CLN5: variants seen among roughly 807,000 people sequenced by gnomAD.
CLN5 encodes the protein bis(monoacylglycero)phosphate synthase CLN5.
CLN5 carries 34 observed loss-of-function variants against 36.7 expected under a neutral mutation model. The observed-to-expected ratio is 0.93, with a 90% CI of 0.71 to 1.23. CLN5 has a LOEUF of 1.23. CLN5 is among the 50% of genes most tolerant of loss of function. The probability of loss-of-function intolerance (pLI) is 0.00; values close to 1 mark genes in which losing one functional copy is unlikely to be tolerated. For synonymous variants in CLN5, 151 were observed against 155.1 expected, an observed-to-expected ratio of 0.97 and a Z score of 0.20; for missense variants, 427 against 439.4, an observed-to-expected ratio of 0.97 and a Z score of 0.25.
intron 1 of CLN5, 21 bp from the exon 2 acceptor site, chr13:76,995,042 T>A: frequency 6.2e-7 from 1 of 1,610,262 alleles, no homozygotes; most frequent in Non-Finnish European, 8.5e-7. Flanking sequence ...TCTAAGTAGA[T>A]GGTTTCTTTT....
At chr13:76,998,993 A>C (rs2073425635) in intron 3 of CLN5, 1 of 152,142 alleles carries the variant, frequency 6.6e-6, no homozygotes. Flanking sequence ...AAAATAGTTC[A>C]AAATATGCCA....
chr13:76,997,722 G>C (rs1384236963), intron 3 of CLN5: 2 of 152,210 alleles, frequency 1.3e-5, no homozygotes, highest in Non-Finnish European at 2.9e-5. Context: ...ACCTGTTGGT[G>C]ATGAGTAGCT....
At chr13:76,997,134 C>T (rs1330402197) in intron 3 of CLN5, 1 of 149,822 alleles carries the variant, frequency 6.7e-6, no homozygotes, top group African/African-American at 2.5e-5. Context: ...ACCCCCACCC[C>T]GCCTTTTTGT....
At chr13:76,994,940 A>G in intron 1 of CLN5, 123 bp from the exon 2 acceptor site, 1 of 790,736 alleles carries the variant, frequency 1.3e-6, no homozygotes, top group South Asian at 1.7e-5. Context: ...ATGTGTGTTT[A>G]TATTTATTAA....
intron 1 of CLN5, chr13:76,992,818 A>G (rs994625378): frequency 1.3e-5 from 2 of 153,520 alleles, no homozygotes; most frequent in Admixed American, 6.5e-5. Flanking sequence ...GACCGGGAAG[A>G]TTGTCACCGC....
chr13:76,995,756 G>A lies in CLN5; in HGVS notation c.340-146G>A, dbSNP rs1214403344. ...GGCCTGGAGTTTGGGGCCACAGAGT[G>A]GATATGACAGTAGCAGCATGGAAGA... On this transcript the variant is annotated intron_variant, in intron 2 of 3. Transcript: ENST00000377453. The A allele has an allele frequency of 4.1e-6, 3 of 724,956 alleles. No homozygotes were observed. In the East Asian group the frequency reaches 8.0e-5, roughly 19 times the overall value. 44.9% of individuals were successfully genotyped at this position (724,956 alleles called of 1,614,324 possible).
rs1211662159 is a variant in CLN5 at position 76,995,936 on chromosome 13, C to T, written c.374C>T (p.Thr125Ile). 3.1e-6 allele frequency: 5 copies of T among 1,614,058 alleles called. No homozygotes were observed. The South Asian group carries it at 3.3e-5, about 11-fold the overall frequency. ...IMHDAIGFRS[T>I]LTGKNYTMEW... is the part of the protein sequence containing the mutation. ...CATGATGCCATTGGATTCAGAAGTA[C>T]ATTAACTGGCAAGAACTACACAATG... Residue 125 changes from threonine to isoleucine, a missense_variant, in exon 3 of 4, where the codon ACA (threonine) becomes ATA (isoleucine). Thr to Ile is a moderately conservative substitution (Grantham distance 89). Transcript: ENST00000377453.
At position 77,004,715 on chromosome 13, in the gene CLN5, A is replaced by T. The variant is rs2034421123; in HGVS notation, c.*3746A>T. On this transcript the variant is annotated 3_prime_UTR_variant, in exon 4 of 4. Coordinates refer to ENST00000377453, the MANE Select transcript of CLN5 (RefSeq NM_006493.4). ...AAAAAAATTTTAAAGGACCTAGTGG[A>T]GGCTTGAACCTTCTTCACATGAACG... The T allele has an allele frequency of 1.3e-5, 2 of 152,280 alleles. No individual in the cohort carries two copies. Among genetic ancestry groups the T allele is most frequent in the South Asian group, 4.1e-4 (2 of 4,828 alleles). The allele number at this position is 152,280 out of a possible 1,614,324, so 9.4% of individuals were successfully genotyped here.
rs745767054 is a variant in CLN5, at chr13:77,000,911, A to C, written c.1019A>C (p.Lys340Thr). The C allele has an allele frequency of 1.2e-4, 187 of 1,593,646 alleles. No individual in the cohort carries two copies. The highest frequency in any genetic ancestry group is 1.5e-4 in the Non-Finnish European group (178 of 1,172,232). ...WFLPMKFPFI[K>T]ITYEEIPLPI... ...TTACCTATGAAATTCCCTTTTATTA[A>C]AATAACATATGAAGAAATCCCTTTA... Residue 340 changes from lysine to threonine, a missense_variant, in exon 4 of 4, where the codon AAA becomes ACA. Physicochemically the swap from Lys to Thr is moderately conservative, Grantham distance 78. Transcript: ENST00000377453.
In CLN5 at chr13:77,004,803, T is replaced by A. The variant is rs2034422857; in HGVS notation, c.*3834T>A. ...TTGACTTAATCTTCAATCATACCTA[T>A]TTTTTCTGATATGGTTACAACAGCC... On this transcript the variant is annotated 3_prime_UTR_variant, in exon 4 of 4. Coordinates refer to ENST00000377453, the MANE Select transcript of CLN5 (RefSeq NM_006493.4). The A allele has an allele frequency of 1.3e-5, 2 of 152,180 alleles. No homozygotes were observed. The highest frequency in any genetic ancestry group is 2.9e-5 in the Non-Finnish European group (2 of 68,024). 9.4% of individuals were successfully genotyped at this position (152,180 alleles called of 1,614,324 possible). A position where few individuals can be genotyped will look rare whatever the true frequency, so the allele number is the denominator to read the frequency against.
Position 77,004,181 on chromosome 13 carries a change from G to A in CLN5, c.*3212G>A, listed in dbSNP as rs2154035576. 1 of 152,250 alleles carries A rather than the reference G, an allele frequency of 6.6e-6. No individual in the cohort carries two copies. 9.4% of individuals were successfully genotyped at this position (152,250 alleles called of 1,614,324 possible). A position where few individuals can be genotyped will look rare whatever the true frequency, so the allele number is the denominator to read the frequency against. On this transcript the variant is annotated 3_prime_UTR_variant, in exon 4 of 4. Coordinates refer to ENST00000377453, the MANE Select transcript of CLN5 (RefSeq NM_006493.4). ...ATTGGAGAAAAAAATCAAGTCTTAG[G>A]AAGTCTTATCCAGTTTTATGGTCTG...
Position 77,000,604 on chromosome 13 carries a change from ACCTTTAAC to A in CLN5, c.713_720del (p.Thr238LysfsTer4), listed in dbSNP as rs1555274344. ...CGACTGTTCCAAATTTGTGTTAAGG[ACCTTTAAC>A]AAGTTGGCTGAATTTGGAGCAGAGT... is the stretch of plus-strand genomic sequence containing the variant. On this transcript the variant is annotated frameshift_variant, in exon 4 of 4. Transcript: ENST00000377453. LOFTEE classifies it high-confidence loss of function. 1 of 1,614,122 alleles carries A rather than the reference ACCTTTAAC, an allele frequency of 6.2e-7. No homozygotes were observed. The highest frequency in any genetic ancestry group is 8.5e-7 in the Non-Finnish European group (1 of 1,179,992).
rs1040438917 is a variant in CLN5, at chr13:77,002,613, G to A, written c.*1644G>A. The A allele has an allele frequency of 6.6e-6, 1 of 151,782 alleles. No homozygotes were observed. Among genetic ancestry groups the A allele is most frequent in the Non-Finnish European group, 1.5e-5 (1 of 67,980 alleles). 9.4% of individuals were successfully genotyped at this position (151,782 alleles called of 1,614,324 possible). The stretch of plus-strand genomic sequence containing the variant: ...CCCACAACAGTCTGAAAATAACCCA[G>A]TCACCAGATATCTTCCTCAAATACA... On this transcript the variant is annotated 3_prime_UTR_variant, in exon 4 of 4. Coordinates refer to ENST00000377453, the MANE Select transcript of CLN5 (RefSeq NM_006493.4).
intron 1 of CLN5, chr13:76,993,285 T>G (rs1408812576): frequency 6.6e-6 from 1 of 152,184 alleles, no homozygotes; most frequent in African/African-American, 2.4e-5. Context: ...ATAGGTTTGC[T>G]GGAAGGATTA....
chr13:77,001,006 C>T lies in CLN5; in HGVS notation c.*37C>T, dbSNP rs758205347. ...TCTACTGCTCTTTTTTCTCCAATCA[C>T]CAGCATCTGTTTTTCAGGGGGTGAT... On this transcript the variant is annotated 3_prime_UTR_variant, in exon 4 of 4. Transcript: ENST00000377453. 2 of 1,574,328 alleles carry T rather than the reference C, an allele frequency of 1.3e-6. No individual in the cohort carries two copies. Among genetic ancestry groups the T allele is most frequent in the Admixed American group, 3.4e-5 (2 of 59,086 alleles).
chr13:76,995,517 A>AC (rs1450733425), intron 2 of CLN5: 1 of 502,074 alleles, frequency 2.0e-6, no homozygotes, highest in East Asian at 3.8e-5. Context: ...CAGGCAGGTA[A>AC]CACCTCTTGA....
chr13:76,992,192 C>G lies in CLN5; in HGVS notation c.94C>G (p.Leu32Val). The change falls in exon 1 of 4, where the codon CTG becomes GTG. Residue 32 changes from leucine (L) to valine (V), a missense_variant. By Grantham distance (32) the Leu-to-Val change is conservative. Coordinates refer to ENST00000377453, the MANE Select transcript of CLN5 (RefSeq NM_006493.4). ...CGCTTCCTGGTGCTGGGCCCTGGCG[C>G]TGCTTTGGCTCGCGGTGGTTCCGGG... ...GRASWCWALA[L>V]LWLAVVPGWS... 3 of 1,604,882 alleles carry G rather than the reference C, an allele frequency of 1.9e-6. No homozygotes were observed. The highest frequency in any genetic ancestry group is 2.7e-5 in the African/African-American group (2 of 74,818).
intron 1 of CLN5, chr13:76,993,156 C>T (rs995516502): frequency 2.0e-5 from 3 of 152,236 alleles, no homozygotes; most frequent in Non-Finnish European, 4.4e-5. Flanking sequence ...GGAAGGAGTT[C>T]TGCCTGCTGC....
Position 77,000,503 on chromosome 13 carries a change from A to C in CLN5, c.611A>C (p.Glu204Ala). The C allele has an allele frequency of 6.2e-7, 1 of 1,613,934 alleles. No individual in the cohort carries two copies. ...GCAAAGTGGGTGAAACAGGACAATG[A>C]AACAGGAATTTATTATGAGACATGG... ...QMAKWVKQDN[E>A]TGIYYETWNV... is the part of the protein sequence containing the mutation. Residue 204 changes from glutamate (E) to alanine (A), a missense_variant, in exon 4 of 4, where the codon GAA (glutamate) becomes GCA (alanine). Glu to Ala is a moderately radical substitution (Grantham distance 107). Coordinates refer to ENST00000377453, the MANE Select transcript of CLN5 (RefSeq NM_006493.4).
Sources: allele counts gnomAD v4.1 joint callset, GRCh38; gene constraint gnomAD v4.1.1; transcripts MANE v1.5; gene names NCBI Gene and HGNC (gene_info 2026-07-23, HGNC 2026-07-21).